LRRC74A: variants seen among roughly 807,000 people sequenced by gnomAD.
The protein encoded by LRRC74A is leucine-rich repeat-containing protein 74A.
In LRRC74A, 44 loss-of-function variants were observed where a neutral mutation model predicts 57.9. That is an observed-to-expected ratio of 0.76 (90% CI 0.60 to 0.98). The LOEUF (loss-of-function observed/expected upper bound fraction) is 0.98. LRRC74A is among the 50% of genes least tolerant of loss of function. The pLI is 0.00. For synonymous variants in LRRC74A, 211 were observed against 219.4 expected (o/e 0.96, Z 0.34); for missense variants, 572 against 574.0 (o/e 1.00, Z 0.04).
chr14:76,849,257 G>T (rs1897285186), intron 7 of LRRC74A, among the ~76,000 whole-genome samples: 1 of 152,056 alleles, frequency 6.6e-6, no homozygotes, highest in Non-Finnish European at 1.5e-5. Flanking sequence ...CCGGGTGCAA[G>T]CAATTCTCGT....
At position 76,859,163 on chromosome 14, in the gene LRRC74A, A is replaced by G. The variant is rs557450846; in HGVS notation, c.1054-1530A>G. Among the ~76,000 whole-genome samples, 6 of 152,182 alleles carry G rather than the reference A, an allele frequency of 3.9e-5. No homozygotes were observed. In the South Asian group the frequency reaches 8.3e-4, roughly 21 times the overall value. On this transcript the variant is annotated intron_variant, in intron 10 of 13. Transcript: ENST00000689127. ...CACTGCAGATTCAGACTTTGTTGGC[A>G]TCTGTATTTCCCTCTCCCAGGCAGT... is the stretch of plus-strand genomic sequence containing the variant.
intron 10 of LRRC74A, 100 bp downstream of exon 10, chr14:76,857,575 C>G (rs1898000117): frequency 2.6e-6 from 2 of 780,282 alleles, no homozygotes; most frequent in East Asian, 2.8e-5. Context: ...CTATCCCTCA[C>G]AGGCCCTCAC....
intron 11 of LRRC74A, among the ~76,000 whole-genome samples, chr14:76,863,383 C>T (rs561781832): frequency 1.7e-4 from 26 of 152,242 alleles, no homozygotes; most frequent in African/African-American, 5.5e-4. Flanking sequence ...GGATTGCTTC[C>T]GGATCCTCTT....
At chr14:76,867,267 TGTTG>T in intron 12 of LRRC74A, 85 bp from the exon 13 acceptor site, 1 of 329,254 alleles carries the variant, frequency 3.0e-6, no homozygotes, top group South Asian at 2.0e-5. Flanking sequence ...GGGGTGTGTG[TGTTG>T]GGGGGGTAGT....
intron 1 of LRRC74A, 123 bp downstream of exon 1, chr14:76,826,857 G>A: frequency 1.7e-6 from 1 of 587,620 alleles, no homozygotes; most frequent in Non-Finnish European, 2.9e-6. Context: ...GAAGTAGGAT[G>A]ATTTGTTATA....
rs1395865043 is a variant in LRRC74A, at chr14:76,828,317, CAG to C, written c.67_68del (p.Ser23GlnfsTer3). On this transcript the variant is annotated frameshift_variant, in exon 2 of 14. Transcript: ENST00000689127. LOFTEE classifies it high-confidence loss of function. ...TGAGATTGAAATTGAGCCAGTACGA[CAG>C]AGCAGCGATAAAATGCTCTACTGTG... The part of the protein sequence containing the change: ...EDEIEIEPVR[Q>X]SSDKMLYCEA... 2 of 1,607,868 alleles carry C rather than the reference CAG, an allele frequency of 1.2e-6. No individual in the cohort carries two copies. The highest frequency in any genetic ancestry group is 1.7e-6 in the Non-Finnish European group (2 of 1,174,926).
Position 76,867,425 on chromosome 14 carries a change from A to G in LRRC74A, c.1378A>G (p.Met460Val), listed in dbSNP as rs2140317892. 6.3e-7 allele frequency: 1 copy of G among 1,590,748 alleles called. No individual in the cohort carries two copies. The change falls in exon 13 of 14, where the codon ATG becomes GTG. Residue 460 changes from methionine (M) to valine (V), a missense_variant. By Grantham distance (21) the Met-to-Val change is conservative. Transcript: ENST00000689127. ...VIKKLDEKTG[M>V]VNFSFLNTMK... ...AAAGAAGCTCGATGAGAAGACAGGC[A>G]TGGTGAACTTCAGGTCAGCCCAGGC... is the stretch of plus-strand genomic sequence containing the variant.
intron 3 of LRRC74A, among the ~76,000 whole-genome samples, chr14:76,834,446 A>G (rs1038907249): frequency 6.6e-6 from 1 of 152,154 alleles, no homozygotes; most frequent in African/African-American, 2.4e-5. Context: ...ATTCTGGTAG[A>G]CTGAACTTCT....
chr14:76,864,095 G>A (rs943855291), intron 11 of LRRC74A, among the ~76,000 whole-genome samples: 20 of 152,200 alleles, frequency 1.3e-4, no homozygotes, highest in African/African-American at 3.4e-4. Flanking sequence ...AGTGGGTGCC[G>A]AGGGCTCACC....
intron 3 of LRRC74A, 148 bp from the exon 4 acceptor site, chr14:76,836,059 G>T: frequency 1.6e-6 from 1 of 621,884 alleles, no homozygotes; most frequent in Non-Finnish European, 2.9e-6. Context: ...TTCAGCCCCC[G>T]TTCTGGTCTC....
At chr14:76,868,081 C>T (rs926133148) in intron 13 of LRRC74A, among the ~76,000 whole-genome samples, 6 of 152,376 alleles carry the variant, frequency 3.9e-5, no homozygotes, top group Non-Finnish European at 5.9e-5. Context: ...CCAATAGGCA[C>T]GCTCTGCAGC....
At chr14:76,834,286 C>T (rs1357246121) in intron 3 of LRRC74A, among the ~76,000 whole-genome samples, 3 of 152,174 alleles carry the variant, frequency 2.0e-5, no homozygotes, top group Admixed American at 2.0e-4. Flanking sequence ...GCACCATTAC[C>T]TCATGAGCTT....
chr14:76,845,520 T>A (rs1897061836), intron 7 of LRRC74A, among the ~76,000 whole-genome samples: 1 of 152,178 alleles, frequency 6.6e-6, no homozygotes, highest in Non-Finnish European at 1.5e-5. Context: ...CCAAAAGCAA[T>A]GGAAAAAGTA....
intron 11 of LRRC74A, among the ~76,000 whole-genome samples, chr14:76,862,580 AG>A (rs1898402992): frequency 6.6e-6 from 1 of 151,824 alleles, no homozygotes; most frequent in South Asian, 2.1e-4. Context: ...AATAAGTGAC[AG>A]AGGCAGAAAA....
Position 76,828,386 on chromosome 14 carries a change from C to T in LRRC74A, c.133C>T (p.Arg45Trp), listed in dbSNP as rs117254981. 0.021 allele frequency: 33,742 copies of T among 1,613,886 alleles called. 445 individuals carry two copies. The highest frequency in any genetic ancestry group is 0.024 in the Non-Finnish European group (27,951 of 1,179,836). ...PPTVEKVKPARENSETDLEIE... is the reference protein window; with the variant it reads ...PPTVEKVKPAWENSETDLEIE... Reference sequence around the variant, plus strand: ...GACTGTTGAAAAAGTGAAACCAGCCCGGGAGAATTCGGAAACAGACCTGGA... The same window carrying T: ...GACTGTTGAAAAAGTGAAACCAGCCTGGGAGAATTCGGAAACAGACCTGGA... The change falls in exon 2 of 14, where the codon CGG (arginine) becomes TGG (tryptophan). Residue 45 changes from arginine to tryptophan, a missense_variant. Arg to Trp is a moderately radical substitution (Grantham distance 101). Transcript: ENST00000689127.
chr14:76,847,685 AT>A (rs1316119798), intron 7 of LRRC74A, among the ~76,000 whole-genome samples: 5 of 147,802 alleles, frequency 3.4e-5, no homozygotes, highest in African/African-American at 5.2e-5. Flanking sequence ...TGAACTTAAA[AT>A]TTAAAAAAAA....
chr14:76,837,099 G>C (rs889486343), intron 4 of LRRC74A, among the ~76,000 whole-genome samples: 1 of 149,880 alleles, frequency 6.7e-6, no homozygotes, highest in Non-Finnish European at 1.5e-5. Flanking sequence ...CCGAGATGAC[G>C]CCACTGCACT....
rs374629334 is a variant in LRRC74A, at chr14:76,826,568, C to T, written c.-130C>T. 6.6e-5 allele frequency: 106 copies of T among 1,612,650 alleles called. No individual in the cohort carries two copies. The highest frequency in any genetic ancestry group is 2.2e-5 in the Non-Finnish European group (26 of 1,179,446). Reference sequence around the variant, plus strand: ...GGAGGGAAGGATAACTGCAGGCTCCCCTGGGATGCCCCCAGGTGAGGGAAG... The same window carrying T: ...GGAGGGAAGGATAACTGCAGGCTCCTCTGGGATGCCCCCAGGTGAGGGAAG... On this transcript the variant is annotated 5_prime_UTR_variant, in exon 1 of 14. Coordinates refer to ENST00000689127, the MANE Select transcript of LRRC74A (RefSeq NM_001385106.1).
intron 8 of LRRC74A, 44 bp from the exon 9 acceptor site, chr14:76,853,172 A>G (rs1375018529): frequency 2.6e-6 from 4 of 1,541,346 alleles, no homozygotes; most frequent in Non-Finnish European, 2.7e-6. Context: ...TGGATGAGTC[A>G]CGCGTAACCT....
Sources: gnomAD v4.1 joint callset for allele counts (sites outside exome capture counted in the v4.1 genomes callset) on GRCh38, gnomAD v4.1.1 for gene constraint, MANE v1.5 for transcripts, NCBI Gene and HGNC (gene_info 2026-07-23, HGNC 2026-07-21) for gene names.